Variants in GSN observed in about 807,000 individuals in gnomAD.
GSN encodes gelsolin.
A neutral mutation model predicts 85.7 loss-of-function variants in GSN; 56 were observed. That is an observed-to-expected ratio of 0.65 (90% CI 0.53 to 0.82). GSN has a LOEUF of 0.82. GSN is among the 40% of genes least tolerant of loss of function. GSN has a pLI of 0.00. For missense variants in GSN, 857 were observed against 979.8 expected (o/e 0.87, Z 1.67); for synonymous variants, 373 against 399.1 (o/e 0.93, Z 0.78).
At chr9:121,236,596 G>GA (rs1260496825) in intron 5 of GSN, among the ~76,000 whole-genome samples, 4 of 152,054 alleles carry the variant, frequency 2.6e-5, no homozygotes, top group Non-Finnish European at 5.9e-5. Context: ...CACCCTAAGA[G>GA]AAAAAAAGAA....
At chr9:121,304,651 T>A (rs1311493977) in intron 4 of GSN, among the ~76,000 whole-genome samples, 1 of 152,224 alleles carries the variant, frequency 6.6e-6, no homozygotes, top group African/African-American at 2.4e-5. Flanking sequence ...ACCAGCTCAT[T>A]GTTGCTACAC....
At chr9:121,223,355 T>A (rs974408990) in intron 4 of GSN, among the ~76,000 whole-genome samples, 3 of 152,154 alleles carry the variant, frequency 2.0e-5, no homozygotes, top group African/African-American at 7.2e-5. Flanking sequence ...CTACCTACTG[T>A]AACATTACTA....
intron 6 of GSN, among the ~76,000 whole-genome samples, chr9:121,249,680 CTGG>C (rs765216424): frequency 6.6e-6 from 1 of 152,070 alleles, no homozygotes. Flanking sequence ...TTCCTGTTTT[CTGG>C]TGTCTGATTC....
At chr9:121,291,098 AAAC>A (rs2058641198) in intron 2 of GSN, among the ~76,000 whole-genome samples, 1 of 152,198 alleles carries the variant, frequency 6.6e-6, no homozygotes, top group East Asian at 1.9e-4. Context: ...CAAATTTTAA[AAAC>A]AGTGCAGTGT....
At chr9:121,254,316 C>T (rs2054902558) in intron 6 of GSN, among the ~76,000 whole-genome samples, 1 of 152,180 alleles carries the variant, frequency 6.6e-6, no homozygotes, top group African/African-American at 2.4e-5. Flanking sequence ...GACTTGGCTT[C>T]CCGTGAAACA....
chr9:121,316,789 T>C (rs2061758818), intron 7 of GSN, among the ~76,000 whole-genome samples: 1 of 152,152 alleles, frequency 6.6e-6, no homozygotes, highest in African/African-American at 2.4e-5. Flanking sequence ...TTTTTTTGAA[T>C]AGTAAAGTTG....
At chr9:121,300,072 G>T in intron 2 of GSN, 4 of 1,610,392 alleles carry the variant, frequency 2.5e-6, no homozygotes, top group Middle Eastern at 1.7e-4. Flanking sequence ...CAGATACAGC[G>T]CTAGGAAAAG....
upstream of GSN, among the ~76,000 whole-genome samples, chr9:121,204,998 T>G (rs1186901889): frequency 6.6e-6 from 1 of 152,216 alleles, no homozygotes; most frequent in Non-Finnish European, 1.5e-5. Flanking sequence ...TTGTCCTGGA[T>G]CTGTTGCTGA....
rs547770463 is a variant in GSN at position 121,262,021 on chromosome 9, A to C, written c.-340-3133A>C. Among the ~76,000 whole-genome samples the C allele has an allele frequency of 2.6e-5, 4 of 152,344 alleles. No individual in the cohort carries two copies. In the East Asian group the frequency reaches 7.7e-4, roughly 29 times the overall value. ...ATGAATTACTTTTTGTTTCTAAAGCACAGCAGTTCACAATCTTTCTGAGAG... is the reference window on the plus strand; with the variant it reads ...ATGAATTACTTTTTGTTTCTAAAGCCCAGCAGTTCACAATCTTTCTGAGAG... On this transcript the variant is annotated intron_variant, in intron 6 of 24. Transcript: ENST00000373823.
chr9:121,328,467 G>A (rs2063495182), intron 14 of GSN, among the ~76,000 whole-genome samples: 1 of 152,224 alleles, frequency 6.6e-6, no homozygotes. Context: ...TTAAATGGCT[G>A]CACATGGACA....
chr9:121,271,676 G>A (rs2055987060), intron 1 of GSN, among the ~76,000 whole-genome samples: 1 of 152,194 alleles, frequency 6.6e-6, no homozygotes, highest in Non-Finnish European at 1.5e-5. Flanking sequence ...GGTGGGTGTC[G>A]GTGTGCAGAG....
At chr9:121,291,416 C>CTTTTT (rs10615868) in intron 2 of GSN, among the ~76,000 whole-genome samples, 1 of 103,882 alleles carries the variant, frequency 9.6e-6, no homozygotes, top group African/African-American at 3.8e-5. Context: ...CCCCACTGGA[C>CTTTTT]TTTTTTTTTT....
chr9:121,310,836 C>T lies in GSN; in HGVS notation c.504C>T (p.Asp168=), dbSNP rs754109131. Residue 168 remains aspartate, a synonymous_variant, in exon 5 of 18, where the codon GAC becomes GAT. Coordinates refer to ENST00000432226, the MANE Select transcript of GSN (RefSeq NM_198252.3). ...SFNNGDCFIL[D]LGNNIHQWCG... is the part of the protein sequence containing the mutation. ...ACAATGGCGACTGCTTCATCCTGGACCTGGGCAACGTGAGTCCTGCTTTCC... is the reference window on the plus strand; with the variant it reads ...ACAATGGCGACTGCTTCATCCTGGATCTGGGCAACGTGAGTCCTGCTTTCC... 2 of 1,613,962 alleles carry T rather than the reference C, an allele frequency of 1.2e-6. No individual in the cohort carries two copies. The highest frequency in any genetic ancestry group is 2.2e-5 in the East Asian group (1 of 44,890).
At chr9:121,311,219 T>C in intron 5 of GSN, 1 of 326,310 alleles carries the variant, frequency 3.1e-6, no homozygotes. Flanking sequence ...GGGTATGTTG[T>C]TTAAGGTCCC....
chr9:121,299,119 T>C lies in GSN; in HGVS notation c.-9-2844T>C, dbSNP rs146200890. 319 of 163,178 alleles carry C rather than the reference T, an allele frequency of 2.0e-3. 12 individuals are homozygous for C. In the East Asian group the frequency reaches 0.046, roughly 24 times the overall value. 10.1% of individuals were successfully genotyped at this position (163,178 alleles called of 1,614,324 possible). A position where few individuals can be genotyped will look rare whatever the true frequency, so the allele number is the denominator to read the frequency against. On this transcript the variant is annotated intron_variant, in intron 2 of 17. Coordinates refer to ENST00000432226, the MANE Select transcript of GSN (RefSeq NM_198252.3). The surrounding 1 kb of genome is among the most constrained non-coding windows in gnomAD (Gnocchi z 4.2). The stretch of plus-strand genomic sequence containing the variant: ...AAATGTGATGGAGAGGGAACAACTG[T>C]GTACAAACATGTGACTTTACGTTTT...
chr9:121,292,830 G>GC (rs1401394615), intron 2 of GSN, among the ~76,000 whole-genome samples: 8 of 152,090 alleles, frequency 5.3e-5, no homozygotes, highest in Admixed American at 5.2e-4. Flanking sequence ...CCCCGCACCT[G>GC]CCCCCTTTTG....
chr9:121,208,312 A>G (rs1490562416), intron 1 of GSN, among the ~76,000 whole-genome samples: 1 of 152,146 alleles, frequency 6.6e-6, no homozygotes, highest in African/African-American at 2.4e-5. Flanking sequence ...GCACACACTT[A>G]GGTTCCTGCC....
intron 5 of GSN, among the ~76,000 whole-genome samples, chr9:121,242,194 T>C (rs2054617474): frequency 6.6e-6 from 1 of 152,224 alleles, no homozygotes; most frequent in East Asian, 1.9e-4. Context: ...AAAAGCTCAA[T>C]AAATGAGCAT....
intron 2 of GSN, among the ~76,000 whole-genome samples, chr9:121,301,641 A>AG (rs2059867614): frequency 6.6e-6 from 1 of 151,722 alleles, no homozygotes; most frequent in Admixed American, 6.6e-5. Flanking sequence ...AAAAAAAAAA[A>AG]AAAGAAAAAA....
Sources: allele counts gnomAD v4.1 joint callset (sites outside exome capture counted in the v4.1 genomes callset), GRCh38; gene constraint gnomAD v4.1.1; non-coding constraint Gnocchi (gnomAD v3.1); transcripts MANE v1.5; gene names NCBI Gene and HGNC (gene_info 2026-07-23, HGNC 2026-07-21).